VPS37A: variants seen among roughly 807,000 people sequenced by gnomAD.
The protein encoded by VPS37A is VPS37A subunit of ESCRT-I.
A neutral mutation model predicts 49.8 loss-of-function variants in VPS37A; 30 were observed. That is an observed-to-expected ratio of 0.60 (90% CI 0.45 to 0.82). The LOEUF is 0.82. Among genes scored for constraint, VPS37A ranks in the 40% least tolerant of loss-of-function variants. VPS37A has a pLI of 0.00. For missense variants in VPS37A, 593 were observed against 464.4 expected, an observed-to-expected ratio of 1.28 and a Z score of -2.55; for synonymous variants, 195 against 160.6, an observed-to-expected ratio of 1.21 and a Z score of -1.62.
downstream of VPS37A, chr8:17,302,216 A>T (rs1351319947): frequency 6.2e-7 from 1 of 1,614,100 alleles, no homozygotes; most frequent in East Asian, 2.2e-5. Flanking sequence ...GCCATTAGGT[A>T]ATCTGTAACT....
chr8:17,321,119 C>T, the VPS37A span, among the ~76,000 whole-genome samples: 16,942 of 152,176 alleles, frequency 0.11, 1,291 homozygotes, highest in Non-Finnish European at 0.17. Context: ...TAAGCTCTGA[C>T]GCTTAGCCCA....
chr8:17,268,389 A>G lies in VPS37A; in HGVS notation c.315+17A>G. 3 of 1,536,162 alleles carry G rather than the reference A, an allele frequency of 2.0e-6. No individual in the cohort carries two copies. The highest frequency in any genetic ancestry group is 2.7e-6 in the Non-Finnish European group (3 of 1,115,596). On this transcript the variant is annotated intron_variant, in intron 3 of 11. Transcript: ENST00000324849. ...GTAAACAATGTATGTATATGGGATAATTTATTTCAGGGTAATATAATAGGT... is the reference window on the plus strand; with the variant it reads ...GTAAACAATGTATGTATATGGGATAGTTTATTTCAGGGTAATATAATAGGT...
chr8:17,256,482 T>A (rs1316704280), intron 1 of VPS37A, among the ~76,000 whole-genome samples: 3 of 151,726 alleles, frequency 2.0e-5, no homozygotes, highest in Admixed American at 2.0e-4. Context: ...AATGTTTAAA[T>A]CACATTATTT....
chr8:17,258,164 G>T (rs1812648905), intron 1 of VPS37A, among the ~76,000 whole-genome samples: 1 of 151,894 alleles, frequency 6.6e-6, no homozygotes, highest in Non-Finnish European at 1.5e-5. Context: ...TAATTGCTCT[G>T]GCCAAGACTT....
intron 6 of VPS37A, among the ~76,000 whole-genome samples, chr8:17,277,283 A>C (rs1443693595): frequency 6.6e-6 from 1 of 152,214 alleles, no homozygotes; most frequent in Non-Finnish European, 1.5e-5. Context: ...TTTACAATAT[A>C]CTGCATACAT....
chr8:17,332,552 C>T, the VPS37A span, among the ~76,000 whole-genome samples: 1 of 152,118 alleles, frequency 6.6e-6, no homozygotes, highest in Non-Finnish European at 1.5e-5. Flanking sequence ...TCATGATGAG[C>T]CCATTGGAAG....
At chr8:17,313,161 C>A in the VPS37A span, 1 of 568,588 alleles carries the variant, frequency 1.8e-6, no homozygotes, top group East Asian at 2.7e-5. Context: ...GACTACGGAG[C>A]TCTACAAAGC....
At chr8:17,261,029 T>C (rs1379701221) in intron 1 of VPS37A, among the ~76,000 whole-genome samples, 1 of 152,190 alleles carries the variant, frequency 6.6e-6, no homozygotes, top group African/African-American at 2.4e-5. Flanking sequence ...TTTGGAAGTT[T>C]TTCTGTGACT....
At chr8:17,272,653 CAT>C (rs1181133088) in intron 4 of VPS37A, among the ~76,000 whole-genome samples, 7 of 152,286 alleles carry the variant, frequency 4.6e-5, no homozygotes, top group Middle Eastern at 3.4e-3. Context: ...AATACTCTCT[CAT>C]GTTGGTTTTA....
Position 17,255,875 on chromosome 8 carries a change from T to C in VPS37A, c.125+8506T>C, listed in dbSNP as rs894710099. ...TGCTGTAAATGACAGGATTTCATCCTTTTTTATGGTGGGATAATATTCTGT... is the reference window on the plus strand; with the variant it reads ...TGCTGTAAATGACAGGATTTCATCCCTTTTTATGGTGGGATAATATTCTGT... On this transcript the variant is annotated intron_variant, in intron 1 of 11. Coordinates refer to ENST00000324849, the MANE Select transcript of VPS37A (RefSeq NM_152415.3). 8.5e-5 allele frequency among the ~76,000 whole-genome samples: 13 copies of C among 152,340 alleles called. No homozygotes were observed. In the East Asian group the frequency reaches 1.3e-3, roughly 16 times the overall value.
chr8:17,255,257 G>A (rs1585926662), intron 1 of VPS37A, among the ~76,000 whole-genome samples: 1 of 152,216 alleles, frequency 6.6e-6, no homozygotes, highest in Non-Finnish European at 1.5e-5. Context: ...GAAGCGGGTG[G>A]ATCGCCTGAG....
intron 3 of VPS37A, among the ~76,000 whole-genome samples, 180 bp from the exon 4 acceptor site, chr8:17,268,676 C>G (rs959662341): frequency 3.3e-5 from 5 of 152,084 alleles, no homozygotes; most frequent in African/African-American, 4.8e-5. Flanking sequence ...TTACTAATCA[C>G]CAGATATTTA....
chr8:17,262,930 G>A (rs768569901), intron 1 of VPS37A, among the ~76,000 whole-genome samples: 16 of 151,860 alleles, frequency 1.1e-4, no homozygotes, highest in Non-Finnish European at 2.9e-5. Context: ...GTGTGGTGGT[G>A]TGCACCTGTA....
At chr8:17,315,144 A>G in the VPS37A span, among the ~76,000 whole-genome samples, 3 of 152,250 alleles carry the variant, frequency 2.0e-5, no homozygotes, top group African/African-American at 7.2e-5. Context: ...TGTCCTGACA[A>G]TGAAATACTG....
intron 4 of VPS37A, among the ~76,000 whole-genome samples, chr8:17,272,327 C>G (rs993309391): frequency 7.2e-5 from 11 of 152,152 alleles, no homozygotes; most frequent in African/African-American, 2.7e-4. Context: ...CTTCAGCCCT[C>G]TCCCCCTCAT....
chr8:17,299,615 T>C (rs1816965204), downstream of VPS37A: 2 of 491,814 alleles, frequency 4.1e-6, no homozygotes, highest in Non-Finnish European at 7.3e-6. Flanking sequence ...GTGAATATAA[T>C]TTTCATAGTC....
At chr8:17,263,947 A>G (rs1032025162) in intron 1 of VPS37A, among the ~76,000 whole-genome samples, 11 of 152,186 alleles carry the variant, frequency 7.2e-5, no homozygotes, top group African/African-American at 2.7e-4. Flanking sequence ...TGTCAAAAAG[A>G]CAAACAAAAA....
intron 9 of VPS37A, among the ~76,000 whole-genome samples, chr8:17,282,736 T>TA (rs923462188): frequency 1.3e-5 from 2 of 151,470 alleles, no homozygotes; most frequent in African/African-American, 2.4e-5. Context: ...TTCAAACACT[T>TA]AAAAAAAAGA....
intron 1 of VPS37A, among the ~76,000 whole-genome samples, chr8:17,254,831 A>G (rs1353126357): frequency 1.3e-5 from 2 of 152,224 alleles, no homozygotes; most frequent in African/African-American, 4.8e-5. Flanking sequence ...CATAATAATT[A>G]AAAATAAAAA....
Sources: gnomAD v4.1 joint callset for allele counts (sites outside exome capture counted in the v4.1 genomes callset) on GRCh38, gnomAD v4.1.1 for gene constraint, MANE v1.5 for transcripts, NCBI Gene and HGNC (gene_info 2026-07-23, HGNC 2026-07-21) for gene names.